ELMO1: variants seen among roughly 807,000 people sequenced by gnomAD.
ELMO1 encodes engulfment and cell motility protein 1.
A neutral mutation model predicts 98.9 loss-of-function variants in ELMO1; 26 were observed. That is an observed-to-expected ratio of 0.26 (90% CI 0.19 to 0.36). The LOEUF (loss-of-function observed/expected upper bound fraction) is 0.36. ELMO1 is among the 10% of genes least tolerant of loss of function. The pLI is 1.00. For missense variants in ELMO1, 627 were observed against 935.2 expected (o/e 0.67, Z 4.30); for synonymous variants, 346 against 346.0 (o/e 1.00, Z 0.00).
chr7:37,230,201 A>C (rs1218336691), intron 8 of ELMO1, among the ~76,000 whole-genome samples: 1 of 152,172 alleles, frequency 6.6e-6, no homozygotes. Context: ...GACATGAAGA[A>C]AGCCACGTTT....
intron 16 of ELMO1, among the ~76,000 whole-genome samples, chr7:36,935,074 G>A (rs1296442935): frequency 6.6e-6 from 1 of 152,176 alleles, no homozygotes; most frequent in African/African-American, 2.4e-5. Flanking sequence ...ACCCCATCTC[G>A]AATTGTAGCT....
chr7:37,182,184 C>T (rs73339752), intron 13 of ELMO1, among the ~76,000 whole-genome samples: 5,270 of 152,190 alleles, frequency 0.035, 305 homozygotes, highest in African/African-American at 0.12. Context: ...CCCCTGGTGA[C>T]GACATGAGGT....
rs1022860547 is a variant in ELMO1 at position 37,036,213 on chromosome 7, GA to G, written c.1301-22779del. Among the ~76,000 whole-genome samples, 8 of 149,236 alleles carry G rather than the reference GA, an allele frequency of 5.4e-5. No individual in the cohort carries two copies. The East Asian group carries it at 7.9e-4, about 15-fold the overall frequency. ...TAAAAAATTTTCCAACCTATTTATTGAAAAAAAAAACCATGCATAAGTGGAC... is the reference window on the plus strand; with the variant it reads ...TAAAAAATTTTCCAACCTATTTATTGAAAAAAAAACCATGCATAAGTGGAC... On this transcript the variant is annotated intron_variant, in intron 15 of 21. Coordinates refer to ENST00000310758, the MANE Select transcript of ELMO1 (RefSeq NM_014800.11).
At chr7:37,272,959 A>C (rs956858414) in intron 4 of ELMO1, among the ~76,000 whole-genome samples, 1 of 152,228 alleles carries the variant, frequency 6.6e-6, no homozygotes, top group African/African-American at 2.4e-5. Flanking sequence ...TGATGGCTGC[A>C]CAACATTGTG....
chr7:36,967,197 A>C (rs1166707126), intron 16 of ELMO1, among the ~76,000 whole-genome samples: 1 of 152,214 alleles, frequency 6.6e-6, no homozygotes, highest in Non-Finnish European at 1.5e-5. Context: ...TACATGCTCT[A>C]GGCCAATCGA....
At chr7:37,231,289 C>T (rs1263067527) in intron 8 of ELMO1, among the ~76,000 whole-genome samples, 1 of 151,018 alleles carries the variant, frequency 6.6e-6, no homozygotes, top group African/African-American at 2.4e-5. Flanking sequence ...ATCTCATGTC[C>T]TTCGATTCAA....
At chr7:37,186,153 A>G (rs1290620525) in intron 13 of ELMO1, among the ~76,000 whole-genome samples, 6 of 152,248 alleles carry the variant, frequency 3.9e-5, no homozygotes, top group African/African-American at 1.2e-4. Context: ...TCCAGAAATA[A>G]GCCTTCACAT....
intron 13 of ELMO1, chr7:37,197,299 T>TC (rs1792020876): frequency 6.6e-6 from 1 of 152,216 alleles, no homozygotes; most frequent in Non-Finnish European, 1.5e-5. Context: ...TCAAATTGGT[T>TC]CTTGTCCCTT....
chr7:37,233,356 GGGGCAGGACGGCCTTGATGAGGTT>G lies in ELMO1; in HGVS notation c.450-186_450-163del, dbSNP rs548438599. ...TCTTCACTAACATGAGTGACATGAAGGGGCAGGACGGCCTTGATGAGGTTGGGCAGGACGGCCTTGATGAGGTCA... is the reference window on the plus strand; with the variant it reads ...TCTTCACTAACATGAGTGACATGAAGGGGCAGGACGGCCTTGATGAGGTCA... On this transcript the variant is annotated intron_variant, in intron 7 of 21. Coordinates refer to ENST00000310758, the MANE Select transcript of ELMO1 (RefSeq NM_014800.11). 2.8e-3 allele frequency among the ~76,000 whole-genome samples: 433 copies of G among 152,230 alleles called. 2 individuals carry two copies. The highest frequency in any genetic ancestry group is 0.017 in the Middle Eastern group (5 of 292).
chr7:37,397,251 A>G (rs11984075), intron 1 of ELMO1, among the ~76,000 whole-genome samples: 19,991 of 152,266 alleles, frequency 0.13, 1,588 homozygotes, highest in African/African-American at 0.21. Flanking sequence ...AGACTTTGTT[A>G]ATTTTATTTG....
At chr7:37,422,250 G>A (rs143455335) in intron 1 of ELMO1, among the ~76,000 whole-genome samples, 3 of 152,276 alleles carry the variant, frequency 2.0e-5, no homozygotes, top group East Asian at 3.9e-4. Flanking sequence ...GCATAGCATC[G>A]AGGAATAAAT....
intron 16 of ELMO1, among the ~76,000 whole-genome samples, chr7:36,946,654 G>A (rs1787514173): frequency 6.6e-6 from 1 of 152,166 alleles, no homozygotes. Flanking sequence ...AAACCATCAA[G>A]ATCCTCCATT....
At chr7:37,015,930 G>T (rs772807776) in intron 15 of ELMO1, among the ~76,000 whole-genome samples, 1 of 152,288 alleles carries the variant, frequency 6.6e-6, no homozygotes, top group East Asian at 1.9e-4. Flanking sequence ...TTTGACTTGC[G>T]ATACAAAGCT....
intron 7 of ELMO1, among the ~76,000 whole-genome samples, chr7:37,237,980 T>C (rs945303895): frequency 1.3e-5 from 2 of 152,228 alleles, no homozygotes; most frequent in Non-Finnish European, 2.9e-5. Context: ...TCAACGAAAC[T>C]CTTCAACTTT....
At chr7:37,121,193 C>G (rs542376655) in intron 14 of ELMO1, among the ~76,000 whole-genome samples, 125 of 152,288 alleles carry the variant, frequency 8.2e-4, no homozygotes, top group Middle Eastern at 3.4e-3. Flanking sequence ...AGCAGAAAAA[C>G]TGAAAATTCT....
intron 4 of ELMO1, among the ~76,000 whole-genome samples, chr7:37,290,472 C>G (rs1436917300): frequency 6.6e-6 from 1 of 152,046 alleles, no homozygotes; most frequent in African/African-American, 2.4e-5. Flanking sequence ...ATTAATTAAG[C>G]TCAACAGAAT....
chr7:37,260,748 G>C (rs1032971845), intron 5 of ELMO1, among the ~76,000 whole-genome samples: 1 of 152,070 alleles, frequency 6.6e-6, no homozygotes, highest in African/African-American at 2.4e-5. Flanking sequence ...CGTTGCATCA[G>C]AAATTAGAAA....
At chr7:36,943,957 A>G (rs1787264549) in intron 16 of ELMO1, among the ~76,000 whole-genome samples, 1 of 152,192 alleles carries the variant, frequency 6.6e-6, no homozygotes, top group African/African-American at 2.4e-5. Flanking sequence ...ACATTTAAAA[A>G]ATGATCAGGA....
intron 13 of ELMO1, among the ~76,000 whole-genome samples, chr7:37,171,527 C>G (rs990138158): frequency 8.8e-6 from 1 of 113,820 alleles, no homozygotes; most frequent in Non-Finnish European, 1.6e-5. Flanking sequence ...GAGTCTCGCT[C>G]TGTCACCCAG....
Sources: gnomAD v4.1 joint callset for allele counts (sites outside exome capture counted in the v4.1 genomes callset) on GRCh38, gnomAD v4.1.1 for gene constraint, MANE v1.5 for transcripts, NCBI Gene and HGNC (gene_info 2026-07-23, HGNC 2026-07-21) for gene names.